The following PTPRM variants were observed in gnomAD, a reference collection of about 807,000 sequenced individuals.
PTPRM encodes the protein protein tyrosine phosphatase receptor type M.
PTPRM carries 47 observed loss-of-function variants against 186.7 expected under a neutral mutation model. The ratio of observed to expected loss-of-function variants is 0.25; its 90% CI spans 0.20 to 0.32. PTPRM has a LOEUF of 0.32. Ranked by LOEUF, PTPRM falls within the 10% of genes least tolerant of loss-of-function variation. PTPRM has a pLI of 1.00. For missense variants in PTPRM, 1,494 were observed against 1,865.0 expected, an observed-to-expected ratio of 0.80 and a Z score of 3.66; for synonymous variants, 668 against 674.9, an observed-to-expected ratio of 0.99 and a Z score of 0.16.
intron 13 of PTPRM, among the ~76,000 whole-genome samples, chr18:8,137,028 A>G (rs1438114988): frequency 6.6e-6 from 1 of 152,208 alleles, no homozygotes; most frequent in Non-Finnish European, 1.5e-5. Context: ...TAAATTTTAG[A>G]TTATCTTTTG....
At chr18:8,387,741 T>TGTGTGTGTGC (rs1555897071) in intron 31 of PTPRM, among the ~76,000 whole-genome samples, 3,082 of 117,044 alleles carry the variant, frequency 0.026, 38 homozygotes, top group Middle Eastern at 0.053. Flanking sequence ...CTGGAGTGTG[T>TGTGTGTGTGC]GTGTGTGCGT....
At chr18:8,317,849 C>T (rs2095320478) in intron 21 of PTPRM, among the ~76,000 whole-genome samples, 1 of 152,126 alleles carries the variant, frequency 6.6e-6, no homozygotes, top group Non-Finnish European at 1.5e-5. Context: ...CTACTGGGCA[C>T]CTTGTTAGGC....
At chr18:8,306,195 C>T (rs2095220095) in intron 20 of PTPRM, among the ~76,000 whole-genome samples, 1 of 152,018 alleles carries the variant, frequency 6.6e-6, no homozygotes, top group South Asian at 2.1e-4. Context: ...CTGCGCCTGG[C>T]AGCGTAATTT....
At chr18:8,086,971 T>C (rs2145294701) in intron 10 of PTPRM, among the ~76,000 whole-genome samples, 1 of 152,170 alleles carries the variant, frequency 6.6e-6, no homozygotes, top group South Asian at 2.1e-4. Context: ...TTTGGGAAGT[T>C]AGAATAATTA....
At chr18:7,694,124 G>A (rs2039791907) in intron 1 of PTPRM, among the ~76,000 whole-genome samples, 1 of 152,170 alleles carries the variant, frequency 6.6e-6, no homozygotes, top group South Asian at 2.1e-4. Flanking sequence ...TTCTGGCAGT[G>A]TGGTCTTCTC....
chr18:7,812,717 G>GA (rs1468212932), intron 2 of PTPRM, among the ~76,000 whole-genome samples: 34 of 151,736 alleles, frequency 2.2e-4, no homozygotes, highest in African/African-American at 8.0e-4. Flanking sequence ...CTGAGACTTG[G>GA]AAAGTTTTTT....
At chr18:7,649,998 CT>C (rs1304997864) in intron 1 of PTPRM, among the ~76,000 whole-genome samples, 1 of 151,988 alleles carries the variant, frequency 6.6e-6, no homozygotes, top group African/African-American at 2.4e-5. Flanking sequence ...GTAAACATAA[CT>C]TTTATATGCA....
intron 19 of PTPRM, among the ~76,000 whole-genome samples, chr18:8,270,856 G>C (rs1466789035): frequency 6.6e-6 from 1 of 152,146 alleles, no homozygotes; most frequent in African/African-American, 2.4e-5. Context: ...AGAGGAAATG[G>C]AGATGTTGGT....
chr18:8,010,699 A>G (rs1030517515), intron 7 of PTPRM, among the ~76,000 whole-genome samples: 3 of 152,122 alleles, frequency 2.0e-5, no homozygotes, highest in East Asian at 3.9e-4. Flanking sequence ...TGGGAGGCTG[A>G]GGTCAGGGAG....
chr18:7,667,461 T>C (rs2039121855), intron 1 of PTPRM, among the ~76,000 whole-genome samples: 1 of 152,204 alleles, frequency 6.6e-6, no homozygotes, highest in African/African-American at 2.4e-5. Flanking sequence ...ATGAGGATAA[T>C]ATTTTAACAG....
intron 5 of PTPRM, among the ~76,000 whole-genome samples, chr18:7,940,095 T>G (rs35558945): frequency 0.14 from 21,493 of 152,114 alleles, 1,792 homozygotes; most frequent in Non-Finnish European, 0.19. Context: ...GAATTGGGGC[T>G]GGCCATCACT....
At chr18:7,660,364 C>G (rs2038951630) in intron 1 of PTPRM, among the ~76,000 whole-genome samples, 1 of 151,682 alleles carries the variant, frequency 6.6e-6, no homozygotes, top group Non-Finnish European at 1.5e-5. Flanking sequence ...ATAAGTAAAG[C>G]AAGCAGTAGA....
At chr18:8,271,618 C>G (rs911418263) in intron 19 of PTPRM, among the ~76,000 whole-genome samples, 3 of 151,944 alleles carry the variant, frequency 2.0e-5, no homozygotes, top group Non-Finnish European at 4.4e-5. Context: ...CTGGCTAGAT[C>G]TGGCAATTTC....
chr18:7,882,349 A>G (rs1334267673), intron 2 of PTPRM, among the ~76,000 whole-genome samples: 1 of 152,100 alleles, frequency 6.6e-6, no homozygotes, highest in East Asian at 1.9e-4. Context: ...GTTTTTCATT[A>G]CAGGTTGTTT....
At chr18:8,004,758 G>A (rs1278524632) in intron 7 of PTPRM, among the ~76,000 whole-genome samples, 4 of 152,138 alleles carry the variant, frequency 2.6e-5, no homozygotes, top group Non-Finnish European at 5.9e-5. Context: ...GGAGCCAGGA[G>A]GAGAGCTTAT....
At chr18:7,861,607 G>A (rs1352315908) in intron 2 of PTPRM, among the ~76,000 whole-genome samples, 1 of 152,056 alleles carries the variant, frequency 6.6e-6, no homozygotes, top group South Asian at 2.1e-4. Context: ...GCTTCTGTTA[G>A]GAGGTTTCTA....
chr18:7,567,829 T>C lies in PTPRM; in HGVS notation c.11T>C (p.Leu4Pro). The change falls in exon 1 of 33, where the codon CTT becomes CCT. Residue 4 changes from leucine to proline, a missense_variant. Coordinates refer to ENST00000580170, the MANE Select transcript of PTPRM (RefSeq NM_001105244.2). This position sits in a 1 kb window ranked among gnomAD's most constrained non-coding sequence, Gnocchi z 4.3. ...CCCGCACTCAGCACCATGAGGGGAC[T>C]TGGGACTTGCCTGGCGACTTTGGCC... MRG[L>P]GTCLATLAGL... 1 of 1,558,300 alleles carries C rather than the reference T, an allele frequency of 6.4e-7. No homozygotes were observed. Among genetic ancestry groups the C allele is most frequent in the East Asian group, 2.7e-5 (1 of 37,450 alleles).
intron 4 of PTPRM, among the ~76,000 whole-genome samples, chr18:7,925,643 C>T (rs371718387): frequency 2.2e-4 from 33 of 152,106 alleles, no homozygotes; most frequent in East Asian, 1.7e-3. Flanking sequence ...ATCTGTCTCT[C>T]CCAGAAAGTA....
At chr18:8,182,802 GA>G (rs2093593921) in intron 14 of PTPRM, among the ~76,000 whole-genome samples, 1 of 152,118 alleles carries the variant, frequency 6.6e-6, no homozygotes. Flanking sequence ...AAAGTGCCAA[GA>G]AAAAAGTAAA....
Sources: allele counts gnomAD v4.1 joint callset (sites outside exome capture counted in the v4.1 genomes callset), GRCh38; gene constraint gnomAD v4.1.1; non-coding constraint Gnocchi (gnomAD v3.1); transcripts MANE v1.5; gene names NCBI Gene and HGNC (gene_info 2026-07-23, HGNC 2026-07-21).